Variants in PRKDC observed in about 807,000 individuals in gnomAD.
The protein encoded by PRKDC is DNA-dependent protein kinase catalytic subunit.
A neutral mutation model predicts 486.9 loss-of-function variants in PRKDC; 82 were observed. The ratio of observed to expected loss-of-function variants is 0.17; its 90% CI spans 0.14 to 0.20. The LOEUF (loss-of-function observed/expected upper bound fraction) is 0.20. PRKDC is among the 10% of genes least tolerant of loss of function. The pLI is 1.00. For synonymous variants in PRKDC, 1,895 were observed against 1,837.0 expected (o/e 1.03, Z -0.81); for missense variants, 4,504 against 5,038.2 (o/e 0.89, Z 3.21).
At chr8:47,804,765 T>C (rs1037786047) in intron 69 of PRKDC, among the ~76,000 whole-genome samples, 3 of 152,094 alleles carry the variant, frequency 2.0e-5, no homozygotes, top group African/African-American at 7.2e-5. Context: ...AACTGTTTTG[T>C]TTTGTTTTGT....
intron 36 of PRKDC, among the ~76,000 whole-genome samples, chr8:47,885,588 T>C (rs2089308885): frequency 6.6e-6 from 1 of 152,094 alleles, no homozygotes; most frequent in South Asian, 2.1e-4. Flanking sequence ...AACCCTTTTA[T>C]AAGGATTATA....
intron 35 of PRKDC, 112 bp downstream of exon 35, chr8:47,887,435 T>G: frequency 2.0e-6 from 2 of 1,006,770 alleles, no homozygotes; most frequent in Non-Finnish European, 2.7e-6. Context: ...CATACAATAC[T>G]TGTCCAGCTA....
intron 72 of PRKDC, 26 bp downstream of exon 72, chr8:47,799,184 C>T (rs1321115493): frequency 9.3e-6 from 15 of 1,612,592 alleles, no homozygotes; most frequent in Non-Finnish European, 1.1e-5. Context: ...CATAATGGAA[C>T]ACTAGCTTTT....
At chr8:47,958,690 T>C (rs1325406233) in intron 1 of PRKDC, among the ~76,000 whole-genome samples, 3 of 152,152 alleles carry the variant, frequency 2.0e-5, no homozygotes, top group Admixed American at 6.5e-5. Flanking sequence ...TGTTAATATA[T>C]TCTTGACAAC....
chr8:47,907,700 A>G (rs1432816289), intron 25 of PRKDC, among the ~76,000 whole-genome samples: 2 of 151,720 alleles, frequency 1.3e-5, no homozygotes, highest in African/African-American at 4.8e-5. Context: ...ACGCCCGGCT[A>G]ATTTTTGTAT....
intron 21 of PRKDC, among the ~76,000 whole-genome samples, chr8:47,921,612 C>A (rs546041570): frequency 6.6e-6 from 1 of 152,158 alleles, no homozygotes; most frequent in Non-Finnish European, 1.5e-5. Flanking sequence ...TGGGGGGCTG[C>A]AGACAGTGGT....
chr8:47,891,430 AT>A (rs1448463903), intron 31 of PRKDC, among the ~76,000 whole-genome samples: 3 of 152,172 alleles, frequency 2.0e-5, no homozygotes, highest in Non-Finnish European at 4.4e-5. Context: ...TATATTAAGA[AT>A]TATTCTCAGC....
Position 47,936,536 on chromosome 8 carries a change from A to C in PRKDC, c.1114-19T>G. On this transcript the variant is annotated intron_variant, in intron 11 of 85. Coordinates refer to ENST00000314191, the MANE Select transcript of PRKDC (RefSeq NM_006904.7). ...TGCACGGCTTTAGAAAAGGTAAAAC[A>C]GAAGTCTTCATCAATCTTATCAAGA... The C allele has an allele frequency of 6.2e-7, 1 of 1,613,248 alleles. No homozygotes were observed.
intron 7 of PRKDC, among the ~76,000 whole-genome samples, chr8:47,951,121 C>A (rs567187591): frequency 6.6e-6 from 1 of 151,938 alleles, no homozygotes; most frequent in African/African-American, 2.4e-5. Context: ...GTAATCCCAG[C>A]ACTTTGGGAG....
chr8:47,858,614 G>T lies in PRKDC; in HGVS notation c.6367C>A (p.Pro2123Thr), dbSNP rs766811820. The change falls in exon 48 of 86, where the codon CCT becomes ACT. Residue 2123 changes from proline (P) to threonine (T), a missense_variant. Around this residue, in one of 6 missense-constraint regions of PRKDC, gnomAD observed 1,592 missense variants for 1,724.6 expected, o/e 0.92. Transcript: ENST00000314191. Reference protein sequence around the residue: ...GEEDSVPRDLPSWMKFLHGKL... With the variant: ...GEEDSVPRDLTSWMKFLHGKL... ...CCATGGAGGAATTTCATCCAAGAAG[G>T]AAGATCTCTTGGCACTGAATCCTAA... 1.9e-6 allele frequency: 3 copies of T among 1,547,200 alleles called. No individual in the cohort carries two copies. In the South Asian group the frequency reaches 3.7e-5, roughly 19 times the overall value.
intron 33 of PRKDC, 97 bp downstream of exon 33, chr8:47,888,917 T>C (rs1036996514): frequency 3.1e-6 from 4 of 1,298,202 alleles, no homozygotes; most frequent in Non-Finnish European, 4.3e-6. Context: ...GATATAAGCC[T>C]TCCCTGAGGA....
At chr8:47,957,325 A>G (rs774184644) in intron 2 of PRKDC, 30 bp downstream of exon 2, 7 of 1,592,482 alleles carry the variant, frequency 4.4e-6, no homozygotes, top group Non-Finnish European at 6.0e-6. Flanking sequence ...GGAATATACA[A>G]GAAAAGCAAA....
chr8:47,788,836 A>C, intron 76 of PRKDC, 70 bp downstream of exon 76: 2 of 1,342,744 alleles, frequency 1.5e-6, no homozygotes, highest in African/African-American at 3.0e-5. Context: ...ATATTATTAC[A>C]TTTAATAATG....
Position 47,849,252 on chromosome 8 carries a change from T to A in PRKDC, c.7182A>T (p.Lys2394Asn). ...FLLPKFHGVL[K>N]TLCLEVVLCR... is the part of the protein sequence containing the mutation. ...AAAGTACCACCTCCAGACAGAGTGT[T>A]TTCAACACTCCATGAAATTTTGGCA... is the stretch of plus-strand genomic sequence containing the variant. The change falls in exon 54 of 86, where the codon AAA becomes AAT. Residue 2394 changes from lysine (K) to asparagine (N), a missense_variant. By Grantham distance (94) the Lys-to-Asn change is moderately conservative. Coordinates refer to ENST00000314191, the MANE Select transcript of PRKDC (RefSeq NM_006904.7). The A allele has an allele frequency of 6.2e-7, 1 of 1,613,914 alleles. No homozygotes were observed. Among genetic ancestry groups the A allele is most frequent in the Non-Finnish European group, 8.5e-7 (1 of 1,179,862 alleles).
In PRKDC at chr8:47,852,528, T is replaced by C. The variant is rs8178169; in HGVS notation, c.7005+145A>G. On this transcript the variant is annotated intron_variant, in intron 52 of 85. Transcript: ENST00000314191. ...ACTGAGTATTATATTTGCTATATTA[T>C]AGTAAGAAACAGTAAAATTTTAATA... is the stretch of plus-strand genomic sequence containing the variant. The C allele has an allele frequency of 0.048, 25,032 of 519,792 alleles. 753 individuals carry two copies. The highest frequency in any genetic ancestry group is 0.071 in the African/African-American group (3,688 of 52,048). The allele number at this position is 519,792 out of a possible 1,614,324, so 32.2% of individuals were successfully genotyped here. A position where few individuals can be genotyped will look rare whatever the true frequency, so the allele number is the denominator to read the frequency against.
At chr8:47,945,419 C>T (rs988225252) in intron 7 of PRKDC, among the ~76,000 whole-genome samples, 15 of 152,182 alleles carry the variant, frequency 9.9e-5, no homozygotes, top group South Asian at 2.1e-4. Context: ...ATTTCCCCTC[C>T]CCCAGCCCCA....
rs1172690707 is a variant in PRKDC, at chr8:47,803,537, G to A, written c.9748-57C>T. 5 of 1,549,240 alleles carry A rather than the reference G, an allele frequency of 3.2e-6. No homozygotes were observed. The African/African-American group carries it at 6.8e-5, about 21-fold the overall frequency. Reference sequence around the variant, plus strand: ...GTATGATGATACACAAGTGACAGAAGTTTCTAATTGGCCTGCTTCCCCCTT... The same window carrying A: ...GTATGATGATACACAAGTGACAGAAATTTCTAATTGGCCTGCTTCCCCCTT... On this transcript the variant is annotated intron_variant, in intron 69 of 85. Coordinates refer to ENST00000314191, the MANE Select transcript of PRKDC (RefSeq NM_006904.7).
chr8:47,903,959 C>T (rs559758498), intron 26 of PRKDC, among the ~76,000 whole-genome samples: 42 of 152,214 alleles, frequency 2.8e-4, no homozygotes, highest in Admixed American at 7.9e-4. Flanking sequence ...CTCCCCTACC[C>T]GTAACATGAC....
intron 40 of PRKDC, among the ~76,000 whole-genome samples, chr8:47,876,378 G>A (rs1435279936): frequency 6.6e-6 from 1 of 151,858 alleles, no homozygotes; most frequent in African/African-American, 2.4e-5. Context: ...ATCAATAATC[G>A]GGGCCAGGCG....
Sources: gnomAD v4.1 joint callset for allele counts (sites outside exome capture counted in the v4.1 genomes callset) on GRCh38, gnomAD v4.1.1 for gene constraint, gnomAD v4.1.1 regional missense constraint, MANE v1.5 for transcripts, NCBI Gene and HGNC (gene_info 2026-07-23, HGNC 2026-07-21) for gene names.